GREM2: variants seen among roughly 807,000 people sequenced by gnomAD.
GREM2 encodes the protein gremlin-2.
A neutral mutation model predicts 14.2 loss-of-function variants in GREM2; 11 were observed. The observed-to-expected ratio is 0.78, with a 90% CI of 0.49 to 1.28. The LOEUF (loss-of-function observed/expected upper bound fraction) is 1.28, where lower values mean the gene tolerates loss of function less well. Ranked by LOEUF, GREM2 falls within the 50% of genes most tolerant of loss-of-function variation. The pLI, the probability that GREM2 is intolerant of heterozygous loss-of-function variation, is 0.00. For synonymous variants in GREM2, 98 were observed against 97.6 expected (o/e 1.00, Z -0.02); for missense variants, 210 against 218.5 (o/e 0.96, Z 0.24).
At chr1:240,530,891 A>T (rs1678341076) in intron 1 of GREM2, 1 of 121,150 alleles carries the variant, frequency 8.3e-6, no homozygotes, top group Non-Finnish European at 1.9e-5. Context: ...GATAGTAAAA[A>T]ACGAAGGAAA....
chr1:240,609,110 ATTCATT>A (rs893589456), intron 1 of GREM2, among the ~76,000 whole-genome samples: 9 of 152,184 alleles, frequency 5.9e-5, no homozygotes, highest in African/African-American at 2.2e-4. Context: ...GAGGAAATAC[ATTCATT>A]TTCATTTTCC....
chr1:240,555,926 G>C (rs1678946573), intron 1 of GREM2, among the ~76,000 whole-genome samples: 1 of 152,112 alleles, frequency 6.6e-6, no homozygotes, highest in South Asian at 2.1e-4. Flanking sequence ...ATAGCCTTTG[G>C]CTCTTATTTT....
intron 1 of GREM2, among the ~76,000 whole-genome samples, chr1:240,575,665 C>G (rs1031842739): frequency 2.0e-5 from 3 of 151,798 alleles, no homozygotes. Context: ...GGATTACAGG[C>G]GCGCACCACC....
chr1:240,589,162 A>C (rs1679656417), intron 1 of GREM2: 1 of 152,412 alleles, frequency 6.6e-6, no homozygotes, highest in East Asian at 1.9e-4. Context: ...TAGGCCGAGC[A>C]TGGTGGCTCA....
chr1:240,590,147 A>G (rs1352610265), intron 1 of GREM2, among the ~76,000 whole-genome samples: 1 of 152,192 alleles, frequency 6.6e-6, no homozygotes, highest in African/African-American at 2.4e-5. Flanking sequence ...TTTTAAGAAC[A>G]TTTATCTGAA....
chr1:240,547,513 A>T (rs1387087809), intron 1 of GREM2, among the ~76,000 whole-genome samples: 10 of 90,732 alleles, frequency 1.1e-4, no homozygotes, highest in African/African-American at 4.8e-4. Flanking sequence ...AAAAAAAAAA[A>T]AATATATATA....
intron 1 of GREM2, among the ~76,000 whole-genome samples, chr1:240,582,240 A>G (rs1415030383): frequency 6.6e-6 from 1 of 152,208 alleles, no homozygotes; most frequent in Non-Finnish European, 1.5e-5. Flanking sequence ...GATCAAGACC[A>G]TCCTGGCCAA....
chr1:240,570,018 T>A (rs1242022031), intron 1 of GREM2, among the ~76,000 whole-genome samples: 4 of 152,218 alleles, frequency 2.6e-5, no homozygotes, highest in Non-Finnish European at 5.9e-5. Context: ...TCCAATCTGC[T>A]ATGTTTTTAC....
intron 1 of GREM2, among the ~76,000 whole-genome samples, chr1:240,561,693 TACACAC>T (rs541661990): frequency 0.031 from 4,445 of 145,700 alleles, 216 homozygotes; most frequent in African/African-American, 0.11. Flanking sequence ...TAATCCTGCA[TACACAC>T]ACACACACAC....
At chr1:240,588,890 T>C (rs1329805142) in intron 1 of GREM2, 4 of 152,044 alleles carry the variant, frequency 2.6e-5, no homozygotes, top group Non-Finnish European at 5.9e-5. Context: ...GGCAGGAGGA[T>C]CTCCTGAGAC....
At chr1:240,549,386 A>T (rs1012836960) in intron 1 of GREM2, among the ~76,000 whole-genome samples, 25 of 152,076 alleles carry the variant, frequency 1.6e-4, no homozygotes, top group Non-Finnish European at 3.5e-4. Flanking sequence ...CAGATAGAGA[A>T]CAGGAGTAGG....
At chr1:240,522,201 G>A (rs560205690) in intron 1 of GREM2, among the ~76,000 whole-genome samples, 1 of 149,710 alleles carries the variant, frequency 6.7e-6, no homozygotes, top group South Asian at 2.1e-4. Flanking sequence ...CTGAAACAAA[G>A]AGAAAGAGAC....
chr1:240,547,576 A>C (rs1305222500), intron 1 of GREM2, among the ~76,000 whole-genome samples: 1 of 146,258 alleles, frequency 6.8e-6, no homozygotes, highest in Non-Finnish European at 1.5e-5. Flanking sequence ...TATGAATGGA[A>C]GTTCTAAAGA....
chr1:240,609,609 G>A (rs562200743), intron 1 of GREM2, among the ~76,000 whole-genome samples: 14 of 152,102 alleles, frequency 9.2e-5, no homozygotes, highest in East Asian at 1.9e-4. Flanking sequence ...TTTTTTGTCC[G>A]TAGATATTTG....
chr1:240,583,151 A>C (rs1427677024), intron 1 of GREM2, among the ~76,000 whole-genome samples: 1 of 152,128 alleles, frequency 6.6e-6, no homozygotes, highest in Non-Finnish European at 1.5e-5. Context: ...ACTACATCGA[A>C]TCATCATCTG....
chr1:240,506,251 A>C (rs1238546564), intron 1 of GREM2, among the ~76,000 whole-genome samples: 1 of 152,198 alleles, frequency 6.6e-6, no homozygotes, highest in Non-Finnish European at 1.5e-5. Flanking sequence ...GAAAGACCTC[A>C]GGCTTCATTC....
intron 1 of GREM2, among the ~76,000 whole-genome samples, chr1:240,547,325 C>G (rs543057350): frequency 4.7e-4 from 72 of 151,618 alleles, no homozygotes; most frequent in African/African-American, 1.6e-3. Flanking sequence ...ACTGCGAAAC[C>G]CTGTCTCTAC....
At chr1:240,507,127 C>A (rs4659974) in intron 1 of GREM2, among the ~76,000 whole-genome samples, 2 of 152,054 alleles carry the variant, frequency 1.3e-5, no homozygotes, top group African/African-American at 4.8e-5. Flanking sequence ...TGGTAGAACA[C>A]GGGCCTCAGA....
chr1:240,510,505 G>A (rs1220488402), intron 1 of GREM2, among the ~76,000 whole-genome samples: 2 of 151,726 alleles, frequency 1.3e-5, no homozygotes, highest in East Asian at 3.9e-4. Flanking sequence ...TGAGTACGGG[G>A]TTTCTTGTGG....
Sources: gnomAD v4.1 joint callset for allele counts (sites outside exome capture counted in the v4.1 genomes callset) on GRCh38, gnomAD v4.1.1 for gene constraint, MANE v1.5 for transcripts, NCBI Gene and HGNC (gene_info 2026-07-23, HGNC 2026-07-21) for gene names.